Variants in ADCY8 observed in about 807,000 individuals in gnomAD.
The protein encoded by ADCY8 is adenylate cyclase type 8.
In ADCY8, 51 loss-of-function variants were observed where a neutral mutation model predicts 119.7. The observed-to-expected ratio is 0.43, with a 90% CI of 0.34 to 0.54. The LOEUF (loss-of-function observed/expected upper bound fraction) is 0.54, where lower values mean the gene tolerates loss of function less well. ADCY8 is among the 20% of genes least tolerant of loss of function. The pLI, the probability that ADCY8 is intolerant of heterozygous loss-of-function variation, is 0.03. For missense variants in ADCY8, 1,383 were observed against 1,598.8 expected, an observed-to-expected ratio of 0.87 and a Z score of 2.30; for synonymous variants, 665 against 651.0, an observed-to-expected ratio of 1.02 and a Z score of -0.33.
In ADCY8 at chr8:130,884,646, T is replaced by C; in HGVS notation, c.2027A>G (p.Asp676Gly). 6.2e-7 allele frequency: 1 copy of C among 1,613,888 alleles called. No homozygotes were observed. Among genetic ancestry groups the C allele is most frequent in the East Asian group, 2.2e-5 (1 of 44,854 alleles). The change falls in exon 8 of 18, where the codon GAC becomes GGC. Residue 676 changes from aspartate (D) to glycine (G), a missense_variant. By Grantham distance (94) the Asp-to-Gly change is moderately conservative. This residue lies in a region of ADCY8 where 928 missense variants were observed against 1,163.5 expected (regional missense o/e 0.80). Transcript: ENST00000286355. ...EINKRIEHTIDLRSGDKLRRE... is the reference protein window; with the variant it reads ...EINKRIEHTIGLRSGDKLRRE... ...TCTCAATTTATCGCCACTCCGCAAGTCGATGGTATGTTCTATTCTCTTGTT... is the reference window on the plus strand; with the variant it reads ...TCTCAATTTATCGCCACTCCGCAAGCCGATGGTATGTTCTATTCTCTTGTT...
At chr8:130,787,866 G>T (rs966524023) in intron 15 of ADCY8, among the ~76,000 whole-genome samples, 1 of 152,002 alleles carries the variant, frequency 6.6e-6, no homozygotes, top group Non-Finnish European at 1.5e-5. Flanking sequence ...GCACATATAT[G>T]TACATATGTG....
chr8:130,793,085 A>G (rs1307327500), intron 15 of ADCY8, among the ~76,000 whole-genome samples: 2 of 152,158 alleles, frequency 1.3e-5, no homozygotes, highest in African/African-American at 4.8e-5. Flanking sequence ...AGCACAAGTC[A>G]GGTTCCATCA....
chr8:130,962,402 C>T (rs893578596), intron 2 of ADCY8, among the ~76,000 whole-genome samples: 1 of 152,210 alleles, frequency 6.6e-6, no homozygotes, highest in Non-Finnish European at 1.5e-5. Context: ...TGGAGCCAGA[C>T]TGTGGCCCTG....
chr8:130,866,433 A>T (rs1294301993), intron 9 of ADCY8, among the ~76,000 whole-genome samples: 1 of 152,152 alleles, frequency 6.6e-6, no homozygotes, highest in Non-Finnish European at 1.5e-5. Flanking sequence ...ATAGTTATGA[A>T]CATTGAACTT....
At chr8:130,852,020 C>T (rs1218238276) in intron 9 of ADCY8, among the ~76,000 whole-genome samples, 1 of 152,052 alleles carries the variant, frequency 6.6e-6, no homozygotes, top group African/African-American at 2.4e-5. Context: ...CAAGAGGACC[C>T]AAGATGAGCT....
chr8:130,808,853 T>G (rs1425774573), intron 14 of ADCY8, among the ~76,000 whole-genome samples: 1 of 151,864 alleles, frequency 6.6e-6, no homozygotes, highest in Admixed American at 6.6e-5. Context: ...GTGTGGACTC[T>G]CCAGCACCTG....
chr8:130,806,160 C>T (rs1057185847), intron 14 of ADCY8, among the ~76,000 whole-genome samples: 15 of 152,208 alleles, frequency 9.9e-5, no homozygotes, highest in Non-Finnish European at 2.1e-4. Context: ...GAGGTGACTC[C>T]TCTGACCACA....
chr8:130,898,565 A>G (rs1819487771), intron 7 of ADCY8, among the ~76,000 whole-genome samples: 1 of 152,222 alleles, frequency 6.6e-6, no homozygotes, highest in South Asian at 2.1e-4. Context: ...TGACTCTTTC[A>G]AAAGGCCTAG....
At position 130,936,390 on chromosome 8, in the gene ADCY8, T is replaced by G. The variant is rs181095110; in HGVS notation, c.1481+683A>C. 1.2e-4 allele frequency among the ~76,000 whole-genome samples: 18 copies of G among 152,268 alleles called. No individual in the cohort carries two copies. In the East Asian group the frequency reaches 3.3e-3, roughly 28 times the overall value. On this transcript the variant is annotated intron_variant, in intron 5 of 17. Coordinates refer to ENST00000286355, the MANE Select transcript of ADCY8 (RefSeq NM_001115.3). ...TGGCAGCCTTCTAGTAATTTCCTAT[T>G]GGCCATAGGATAAAGTGCAACCTCT...
intron 4 of ADCY8, among the ~76,000 whole-genome samples, chr8:130,938,525 G>A (rs769776562): frequency 3.9e-5 from 6 of 152,112 alleles, no homozygotes; most frequent in Non-Finnish European, 7.4e-5. Context: ...GGGCCCCAGA[G>A]CTGGAGAAGG....
At chr8:130,798,905 C>G (rs1364787444) in intron 15 of ADCY8, among the ~76,000 whole-genome samples, 3 of 152,062 alleles carry the variant, frequency 2.0e-5, no homozygotes, top group Non-Finnish European at 4.4e-5. Flanking sequence ...CACACATGCA[C>G]ACACCACACA....
chr8:130,911,514 T>A (rs200493730), intron 5 of ADCY8, among the ~76,000 whole-genome samples: 4 of 73,118 alleles, frequency 5.5e-5, no homozygotes, highest in South Asian at 4.0e-4. Flanking sequence ...CTATTAAAAA[T>A]TTTTTTTAAA....
chr8:130,949,444 T>A (rs1206298313), intron 3 of ADCY8: 1 of 152,166 alleles, frequency 6.6e-6, no homozygotes, highest in East Asian at 1.9e-4. Flanking sequence ...TGTAATTAAA[T>A]ATTTATTTTT....
intron 2 of ADCY8, among the ~76,000 whole-genome samples, chr8:130,976,413 T>C (rs546803036): frequency 3.3e-5 from 5 of 152,198 alleles, no homozygotes; most frequent in Non-Finnish European, 5.9e-5. Flanking sequence ...CATGACTGCA[T>C]GTGGACAGAT....
intron 14 of ADCY8, among the ~76,000 whole-genome samples, chr8:130,811,325 G>A (rs1816158432): frequency 6.6e-6 from 1 of 152,154 alleles, no homozygotes; most frequent in South Asian, 2.1e-4. Flanking sequence ...ATGGTCCTAA[G>A]GCAAGGATCA....
chr8:130,875,036 T>A (rs576496206), intron 8 of ADCY8, among the ~76,000 whole-genome samples: 1 of 152,284 alleles, frequency 6.6e-6, no homozygotes, highest in East Asian at 1.9e-4. Context: ...CTGTTATAGG[T>A]GAAATTGGCA....
At position 130,951,898 on chromosome 8, in the gene ADCY8, C is replaced by T. The variant is rs755658343; in HGVS notation, c.1211G>A (p.Arg404Gln). ...GTTCTCATAGCGATGGATGTAGATC[C>T]GATGGAACTGGTGCTGCAGGTGCTC... ...EDEHLQHQFH[R>Q]IYIHRYENVS... is the part of the protein sequence containing the mutation. Residue 404 changes from arginine (R) to glutamine (Q), a missense_variant, in exon 3 of 18, where the codon CGG (arginine) becomes CAG (glutamine). Arg to Gln is a conservative substitution (Grantham distance 43). Transcript: ENST00000286355. 5.0e-6 allele frequency: 8 copies of T among 1,613,848 alleles called. No homozygotes were observed. The highest frequency in any genetic ancestry group is 1.1e-5 in the South Asian group (1 of 91,036).
At chr8:130,818,121 G>T (rs1816401498) in intron 13 of ADCY8, among the ~76,000 whole-genome samples, 1 of 152,178 alleles carries the variant, frequency 6.6e-6, no homozygotes, top group South Asian at 2.1e-4. Flanking sequence ...ATGCCTTAGA[G>T]AATGCAATCA....
chr8:130,839,096 C>T (rs1176086960), intron 11 of ADCY8, among the ~76,000 whole-genome samples: 1 of 139,094 alleles, frequency 7.2e-6, no homozygotes, highest in African/African-American at 2.5e-5. Context: ...GGATTGATTC[C>T]TTAGGTCATA....
Sources: gnomAD v4.1 joint callset for allele counts (sites outside exome capture counted in the v4.1 genomes callset) on GRCh38, gnomAD v4.1.1 for gene constraint, gnomAD v4.1.1 regional missense constraint, MANE v1.5 for transcripts, NCBI Gene and HGNC (gene_info 2026-07-23, HGNC 2026-07-21) for gene names.